CAVIN2: variants seen among roughly 807,000 people sequenced by gnomAD.
The protein encoded by CAVIN2 is caveolae-associated protein 2.
Under a neutral mutation model 11.7 loss-of-function variants are expected in CAVIN2, and 13 were observed. The observed-to-expected ratio is 1.11, with a 90% CI of 0.72 to 1.77. CAVIN2 has a LOEUF of 1.77. Ranked by LOEUF, CAVIN2 falls within the 40% of genes most tolerant of loss-of-function variation. The pLI, the probability that CAVIN2 is intolerant of heterozygous loss-of-function variation, is 0.00. For missense variants in CAVIN2, 549 were observed against 542.9 expected, an observed-to-expected ratio of 1.01 and a Z score of -0.11; for synonymous variants, 237 against 223.2, an observed-to-expected ratio of 1.06 and a Z score of -0.55.
Position 191,835,959 on chromosome 2 carries a change from C to T in CAVIN2, c.1242G>A (p.Val414=). 1 of 1,613,812 alleles carries T rather than the reference C, an allele frequency of 6.2e-7. No homozygotes were observed. The highest frequency in any genetic ancestry group is 8.5e-7 in the Non-Finnish European group (1 of 1,179,998). ...GGTGCACCTGGAGCACGGCGGGCTG[C>T]ACGGGGTCCCCATCGGAGCGCTCCG... ...EEAERSDGDP[V]QPAVLQVHQT... The change falls in exon 2 of 2, where the codon GTG becomes GTA. Residue 414 remains valine (V), a synonymous_variant. Coordinates refer to ENST00000304141, the MANE Select transcript of CAVIN2 (RefSeq NM_004657.6).
At chr2:191,837,345 G>A (rs950687318) in intron 1 of CAVIN2, among the ~76,000 whole-genome samples, 1 of 152,180 alleles carries the variant, frequency 6.6e-6, no homozygotes, top group African/African-American at 2.4e-5. Context: ...CTTCCTGGGG[G>A]TGCACTCAGG....
At chr2:191,837,934 A>G (rs186314422) in intron 1 of CAVIN2, among the ~76,000 whole-genome samples, 56 of 152,294 alleles carry the variant, frequency 3.7e-4, no homozygotes, top group Non-Finnish European at 1.6e-4. Flanking sequence ...AGTTTCTTCC[A>G]GATATGAACA....
chr2:191,845,487 C>T (rs1574196681), intron 1 of CAVIN2, among the ~76,000 whole-genome samples: 1 of 152,182 alleles, frequency 6.6e-6, no homozygotes, highest in African/African-American at 2.4e-5. Context: ...AGCCCTGGAG[C>T]GAGGATGGCA....
intron 1 of CAVIN2, among the ~76,000 whole-genome samples, chr2:191,836,968 G>A (rs1391237286): frequency 1.3e-5 from 2 of 152,190 alleles, no homozygotes; most frequent in East Asian, 3.8e-4. Flanking sequence ...TCAGTGACAG[G>A]CAGAGGGGAA....
At chr2:191,842,448 A>G (rs959603196) in intron 1 of CAVIN2, among the ~76,000 whole-genome samples, 3 of 152,248 alleles carry the variant, frequency 2.0e-5, no homozygotes, top group Admixed American at 2.0e-4. Context: ...AAATCAAAAG[A>G]GAAAATTTCC....
At position 191,846,693 on chromosome 2, in the gene CAVIN2, T is replaced by C; in HGVS notation, c.233A>G (p.Lys78Arg). 6.2e-7 allele frequency: 1 copy of C among 1,614,218 alleles called. No homozygotes were observed. Among genetic ancestry groups the C allele is most frequent in the East Asian group, 2.2e-5 (1 of 44,872 alleles). ...CAAACTGATCTGTCGCTGCTCCATC[T>C]TGTGCTGGTTCTCCTGCACAGCGTC... ...MLDAVQENQHKMEQRQISLEG... is the reference protein window; with the variant it reads ...MLDAVQENQHRMEQRQISLEG... Residue 78 changes from lysine to arginine, a missense_variant, in exon 1 of 2, where the codon AAG becomes AGG. Lys to Arg is a conservative substitution (Grantham distance 26). Coordinates refer to ENST00000304141, the MANE Select transcript of CAVIN2 (RefSeq NM_004657.6).
intron 1 of CAVIN2, 36 bp downstream of exon 1, chr2:191,846,407 C>G (rs1690165594): frequency 6.4e-7 from 1 of 1,568,554 alleles, no homozygotes; most frequent in South Asian, 1.2e-5. Context: ...ATAAGGAGTT[C>G]CAGCCCGCCT....
intron 1 of CAVIN2, among the ~76,000 whole-genome samples, chr2:191,844,278 T>C (rs1004652406): frequency 1.3e-5 from 2 of 152,236 alleles, no homozygotes; most frequent in African/African-American, 4.8e-5. Flanking sequence ...TCCATTGGCA[T>C]AATTACTACT....
chr2:191,842,592 T>C (rs557407950), intron 1 of CAVIN2, among the ~76,000 whole-genome samples: 1 of 152,354 alleles, frequency 6.6e-6, no homozygotes. Flanking sequence ...ATGAGTCTTA[T>C]TTTATTTATG....
chr2:191,839,035 C>T (rs377577553), intron 1 of CAVIN2, among the ~76,000 whole-genome samples: 19 of 152,166 alleles, frequency 1.2e-4, no homozygotes, highest in African/African-American at 1.9e-4. Flanking sequence ...GAGGGTTAGA[C>T]AACTGAAATA....
chr2:191,838,840 T>A (rs1690055906), intron 1 of CAVIN2, among the ~76,000 whole-genome samples: 1 of 152,196 alleles, frequency 6.6e-6, no homozygotes, highest in South Asian at 2.1e-4. Flanking sequence ...GTGGCTGGAA[T>A]GGAGATTGCC....
chr2:191,847,059 T>G lies in CAVIN2; in HGVS notation c.-134A>C. The G allele has an allele frequency of 8.5e-7, 1 of 1,180,598 alleles. No homozygotes were observed. The highest frequency in any genetic ancestry group is 1.2e-6 in the Non-Finnish European group (1 of 855,318). 73.1% of individuals were successfully genotyped at this position (1,180,598 alleles called of 1,614,324 possible). ...ACCAGTCTCCAGGACTGGCAGAGGT[T>G]CAGACAGGCAACAACTGGCTACGCT... is the stretch of plus-strand genomic sequence containing the variant. On this transcript the variant is annotated 5_prime_UTR_variant, in exon 1 of 2. Coordinates refer to ENST00000304141, the MANE Select transcript of CAVIN2 (RefSeq NM_004657.6).
intron 1 of CAVIN2, among the ~76,000 whole-genome samples, chr2:191,837,416 T>C (rs1690039564): frequency 6.6e-6 from 1 of 152,184 alleles, no homozygotes; most frequent in South Asian, 2.1e-4. Context: ...ATCTTAGGGT[T>C]ATTTTTAGAG....
At chr2:191,842,680 G>A (rs1313587146) in intron 1 of CAVIN2, among the ~76,000 whole-genome samples, 1 of 152,202 alleles carries the variant, frequency 6.6e-6, no homozygotes, top group African/African-American at 2.4e-5. Flanking sequence ...GAAAACTGCT[G>A]AATTTAACTA....
Position 191,846,551 on chromosome 2 carries a change from C to CGT in CAVIN2, c.373_374dup (p.Val128ArgfsTer13). ...TATCCATGCGCTCTTTGACCGCGCGCGTGTGGGCGCTGACCTTGCGGGACT... is the reference window on the plus strand; with the variant it reads ...TATCCATGCGCTCTTTGACCGCGCGCGTGTGTGGGCGCTGACCTTGCGGGACT... On this transcript the variant is annotated frameshift_variant, in exon 1 of 2. Transcript: ENST00000304141. LOFTEE classifies it high-confidence loss of function. 1 of 1,614,250 alleles carries CGT rather than the reference C, an allele frequency of 6.2e-7. No individual in the cohort carries two copies. Among genetic ancestry groups the CGT allele is most frequent in the Non-Finnish European group, 8.5e-7 (1 of 1,180,052 alleles).
At chr2:191,840,229 C>CAAGT (rs1690074813) in intron 1 of CAVIN2, among the ~76,000 whole-genome samples, 1 of 152,208 alleles carries the variant, frequency 6.6e-6, no homozygotes, top group Non-Finnish European at 1.5e-5. Flanking sequence ...GAGAGAAGAT[C>CAAGT]AAGTACACAT....
At chr2:191,844,176 G>A (rs1389901004) in intron 1 of CAVIN2, among the ~76,000 whole-genome samples, 1 of 152,164 alleles carries the variant, frequency 6.6e-6, no homozygotes, top group Non-Finnish European at 1.5e-5. Flanking sequence ...GCAAGTGGTA[G>A]AACTAGGATT....
rs1690014413 is a variant in CAVIN2, at chr2:191,836,142, C to T, written c.1059G>A (p.Glu353=). The change falls in exon 2 of 2, where the codon GAG becomes GAA. Residue 353 remains glutamate (E), a synonymous_variant. Transcript: ENST00000304141. ...ASALVEGEIA[E]EAAEKATSRG... ...TGGAGGTCGCCTTCTCAGCAGCCTC[C>T]TCTGCAATTTCCCCTTCCACCAGAG... The T allele has an allele frequency of 6.2e-7, 1 of 1,614,244 alleles. No individual in the cohort carries two copies. Among genetic ancestry groups the T allele is most frequent in the Non-Finnish European group, 8.5e-7 (1 of 1,180,044 alleles).
chr2:191,846,453 A>G lies in CAVIN2; in HGVS notation c.473T>C (p.Leu158Pro), dbSNP rs911582851. Residue 158 changes from leucine (L) to proline (P), a missense_variant, in exon 1 of 2, where the codon CTC (leucine) becomes CCC (proline). Physicochemically the swap from Leu to Pro is moderately conservative, Grantham distance 98. Coordinates refer to ENST00000304141, the MANE Select transcript of CAVIN2 (RefSeq NM_004657.6). ...QLLRRNHFKV[L>P]IFQEENEIPA... The stretch of plus-strand genomic sequence containing the variant: ...ATAGGGGGAACTGACCTGGAAGATG[A>G]GCACTTTGAAATGGTTGCGTCGGAG... 2 of 1,612,182 alleles carry G rather than the reference A, an allele frequency of 1.2e-6. No individual in the cohort carries two copies. The highest frequency in any genetic ancestry group is 1.7e-6 in the Non-Finnish European group (2 of 1,178,940).
Sources: gnomAD v4.1 joint callset for allele counts (sites outside exome capture counted in the v4.1 genomes callset) on GRCh38, gnomAD v4.1.1 for gene constraint, MANE v1.5 for transcripts, NCBI Gene and HGNC (gene_info 2026-07-23, HGNC 2026-07-21) for gene names.